Variants in MYO16 observed in about 807,000 individuals in gnomAD.
MYO16 encodes myosin XVI.
In MYO16, 94 loss-of-function variants were observed where a neutral mutation model predicts 205.3. The observed-to-expected ratio is 0.46, with a 90% CI of 0.39 to 0.54. The LOEUF (loss-of-function observed/expected upper bound fraction) is 0.54. MYO16 is among the 20% of genes least tolerant of loss of function. The pLI is 0.00. For synonymous variants in MYO16, 988 were observed against 954.0 expected, an observed-to-expected ratio of 1.04 and a Z score of -0.66; for missense variants, 2,315 against 2,387.5, an observed-to-expected ratio of 0.97 and a Z score of 0.63.
chr13:108,991,980 T>C (rs1884849313), intron 20 of MYO16, among the ~76,000 whole-genome samples: 1 of 152,222 alleles, frequency 6.6e-6, no homozygotes, highest in African/African-American at 2.4e-5. Flanking sequence ...GTTACATAGG[T>C]AAACTTGCAT....
chr13:108,518,261 TTGGAGA>T, the MYO16 span, among the ~76,000 whole-genome samples: 1 of 152,196 alleles, frequency 6.6e-6, no homozygotes, highest in East Asian at 1.9e-4. Context: ...ATGGGTGGTG[TTGGAGA>T]TGGTTGCATT....
At chr13:109,149,201 C>A (rs555047681) in intron 32 of MYO16, among the ~76,000 whole-genome samples, 1 of 152,310 alleles carries the variant, frequency 6.6e-6, no homozygotes, top group Admixed American at 6.5e-5. Context: ...AGCAGCGCTT[C>A]TAGGTGCATA....
intron 16 of MYO16, among the ~76,000 whole-genome samples, chr13:108,929,118 T>TA (rs1882140810): frequency 6.6e-6 from 1 of 152,196 alleles, no homozygotes; most frequent in Non-Finnish European, 1.5e-5. Context: ...ATGAAATTTT[T>TA]AAAAAATCAA....
intron 20 of MYO16, among the ~76,000 whole-genome samples, chr13:108,972,156 G>C (rs1479481772): frequency 7.4e-6 from 1 of 135,586 alleles, no homozygotes; most frequent in African/African-American, 2.8e-5. Context: ...TCTGCAGTGA[G>C]TCATGATTGC....
intron 9 of MYO16, among the ~76,000 whole-genome samples, chr13:108,836,669 A>C (rs1876936980): frequency 6.6e-6 from 1 of 152,196 alleles, no homozygotes; most frequent in African/African-American, 2.4e-5. Context: ...CTCTTGCATC[A>C]GTGTAACCTG....
chr13:108,548,616 G>A, the MYO16 span, among the ~76,000 whole-genome samples: 8 of 151,874 alleles, frequency 5.3e-5, no homozygotes, highest in African/African-American at 1.9e-4. Context: ...ATAATGGTGT[G>A]GATGATGATG....
chr13:109,035,903 T>A (rs1886699689), intron 23 of MYO16, among the ~76,000 whole-genome samples: 1 of 152,150 alleles, frequency 6.6e-6, no homozygotes, highest in South Asian at 2.1e-4. Flanking sequence ...TTCTCTCCAA[T>A]AAATAATGAC....
chr13:108,832,081 G>T (rs1327605232), intron 9 of MYO16, among the ~76,000 whole-genome samples: 1 of 151,040 alleles, frequency 6.6e-6, no homozygotes, highest in Non-Finnish European at 1.5e-5. Flanking sequence ...GGACTCCAAA[G>T]ATTTAGAAGT....
the MYO16 span, among the ~76,000 whole-genome samples, chr13:108,529,121 A>G: frequency 6.6e-6 from 1 of 152,156 alleles, no homozygotes; most frequent in Non-Finnish European, 1.5e-5. Context: ...CCTTCCAAAC[A>G]CCAGTACTAA....
intron 7 of MYO16, among the ~76,000 whole-genome samples, chr13:108,807,006 AT>A (rs1190888495): frequency 6.6e-6 from 1 of 152,182 alleles, no homozygotes; most frequent in Non-Finnish European, 1.5e-5. Context: ...GTATCTGAAT[AT>A]TGTAGTCAAG....
intron 34 of MYO16, among the ~76,000 whole-genome samples, chr13:109,182,316 A>T (rs995097260): frequency 1.3e-5 from 2 of 152,150 alleles, no homozygotes; most frequent in Non-Finnish European, 2.9e-5. Flanking sequence ...GGGCTCAGTT[A>T]ACCTACCTAC....
intron 12 of MYO16, among the ~76,000 whole-genome samples, chr13:108,876,874 G>C (rs1879350760): frequency 6.6e-6 from 1 of 152,024 alleles, no homozygotes; most frequent in African/African-American, 2.4e-5. Flanking sequence ...TCCCAAGTTA[G>C]CCGGGATGGT....
intron 1 of MYO16, among the ~76,000 whole-genome samples, chr13:108,607,486 A>T (rs1879003606): frequency 6.6e-6 from 1 of 152,068 alleles, no homozygotes. Flanking sequence ...TTCTTTTAGC[A>T]CTTCTCCTGT....
chr13:108,757,204 G>A (rs1041475138), intron 4 of MYO16, among the ~76,000 whole-genome samples: 2 of 152,184 alleles, frequency 1.3e-5, no homozygotes, highest in Non-Finnish European at 2.9e-5. Context: ...AGCATTTTAA[G>A]AGGATATTTA....
rs755984204 is a variant in MYO16 at position 109,127,513 on chromosome 13, C to G, written c.4014C>G (p.Ser1338Arg). The G allele has an allele frequency of 6.2e-7, 1 of 1,612,548 alleles. No individual in the cohort carries two copies. Among genetic ancestry groups the G allele is most frequent in the South Asian group, 1.1e-5 (1 of 91,072 alleles). Residue 1338 changes from serine to arginine, a missense_variant, in exon 31 of 35, where the codon AGC becomes AGG. By Grantham distance (110) the Ser-to-Arg change is moderately radical (BLOSUM62 -1). Coordinates refer to ENST00000457511, the MANE Select transcript of MYO16 (RefSeq NM_001198950.3). This position sits in a 1 kb window ranked among gnomAD's most constrained non-coding sequence, Gnocchi z 4.2. ...TGAGTGCTTCCTATGAGGCTGTGAGCGCCTGCCTCTCCGCGGCCAGGGAAG... is the reference window on the plus strand; with the variant it reads ...TGAGTGCTTCCTATGAGGCTGTGAGGGCCTGCCTCTCCGCGGCCAGGGAAG... Reference protein sequence around the residue: ...TRLSASYEAVSACLSAAREAA... With the variant: ...TRLSASYEAVRACLSAAREAA...
At chr13:108,639,109 G>A (rs771662822) in intron 1 of MYO16, among the ~76,000 whole-genome samples, 2 of 152,166 alleles carry the variant, frequency 1.3e-5, no homozygotes, top group Non-Finnish European at 2.9e-5. Context: ...ATTTTCAAGA[G>A]CGAGTGATGT....
chr13:108,563,452 C>T, the MYO16 span, among the ~76,000 whole-genome samples: 1 of 151,734 alleles, frequency 6.6e-6, no homozygotes, highest in Non-Finnish European at 1.5e-5. Context: ...TTTTTTGTAC[C>T]CACTAACTAT....
intron 16 of MYO16, among the ~76,000 whole-genome samples, chr13:108,941,747 G>C (rs1882736608): frequency 6.6e-6 from 1 of 151,602 alleles, no homozygotes; most frequent in Admixed American, 6.6e-5. Context: ...AATGGCTATG[G>C]ATGTCCATTT....
At chr13:109,061,583 A>G (rs1264756552) in intron 27 of MYO16, among the ~76,000 whole-genome samples, 1 of 152,160 alleles carries the variant, frequency 6.6e-6, no homozygotes, top group Non-Finnish European at 1.5e-5. Flanking sequence ...GAGAACACAC[A>G]TGACACGTAT....
Sources: gnomAD v4.1 joint callset for allele counts (sites outside exome capture counted in the v4.1 genomes callset) on GRCh38, gnomAD v4.1.1 for gene constraint, Gnocchi (gnomAD v3.1) non-coding constraint, MANE v1.5 for transcripts, NCBI Gene and HGNC (gene_info 2026-07-23, HGNC 2026-07-21) for gene names.